CNBD1: variants seen among roughly 807,000 people sequenced by gnomAD.
CNBD1 encodes the protein cyclic nucleotide-binding domain-containing protein 1.
CNBD1 carries 71 observed loss-of-function variants against 54.4 expected under a neutral mutation model. The observed-to-expected ratio is 1.30, with a 90% CI of 1.08 to 1.59. The LOEUF is 1.59. Among genes scored for constraint, CNBD1 ranks in the 40% most tolerant of loss-of-function variants. The pLI, the probability that CNBD1 is intolerant of heterozygous loss-of-function variation, is 0.00. For missense variants in CNBD1, 659 were observed against 518.0 expected (o/e 1.27, Z -2.64); for synonymous variants, 182 against 170.7 (o/e 1.07, Z -0.51).
chr8:87,287,179 A>T (rs1383705338), intron 8 of CNBD1, among the ~76,000 whole-genome samples: 1 of 152,192 alleles, frequency 6.6e-6, no homozygotes, highest in Non-Finnish European at 1.5e-5. Flanking sequence ...CTACATTTTC[A>T]ATATTCAGCA....
intron 4 of CNBD1, among the ~76,000 whole-genome samples, chr8:87,097,314 A>G (rs965633189): frequency 1.3e-5 from 2 of 152,170 alleles, no homozygotes; most frequent in African/African-American, 4.8e-5. Flanking sequence ...ATTTTCTACA[A>G]TTTACAAAAG....
chr8:86,883,744 A>G (rs1171757434), intron 1 of CNBD1, among the ~76,000 whole-genome samples: 2 of 152,202 alleles, frequency 1.3e-5, no homozygotes, highest in African/African-American at 4.8e-5. Flanking sequence ...AAGATTAATT[A>G]TAGTAGATGG....
At chr8:87,232,936 C>CAT (rs1240041472) in intron 5 of CNBD1, among the ~76,000 whole-genome samples, 3 of 152,008 alleles carry the variant, frequency 2.0e-5, no homozygotes, top group African/African-American at 7.2e-5. Context: ...TTATTGTTAA[C>CAT]TAATTTAATT....
intron 8 of CNBD1, among the ~76,000 whole-genome samples, chr8:87,300,217 TTAA>T (rs1451167715): frequency 3.9e-5 from 6 of 152,206 alleles, no homozygotes; most frequent in Non-Finnish European, 5.9e-5. Flanking sequence ...ATTGATTTTA[TTAA>T]TGTTATTCTC....
chr8:86,868,944 C>T (rs1014669096), intron 1 of CNBD1, among the ~76,000 whole-genome samples: 1 of 73,992 alleles, frequency 1.4e-5, no homozygotes, highest in Non-Finnish European at 2.7e-5. Flanking sequence ...AAGAGGAAGG[C>T]GAGAGAGTCA....
At chr8:87,427,995 A>T (rs992561061) in intron 2 of CNBD1, among the ~76,000 whole-genome samples, 1 of 152,014 alleles carries the variant, frequency 6.6e-6, no homozygotes, top group African/African-American at 2.4e-5. Flanking sequence ...GGGTAGCCTG[A>T]TATACTCTCT....
At chr8:87,087,565 G>A (rs1249859228) in intron 4 of CNBD1, among the ~76,000 whole-genome samples, 2 of 148,974 alleles carry the variant, frequency 1.3e-5, no homozygotes, top group African/African-American at 2.5e-5. Context: ...CCGGGTTCAC[G>A]CCATTCTCCT....
At chr8:86,988,616 A>C (rs1463301865) in intron 4 of CNBD1, among the ~76,000 whole-genome samples, 1 of 152,134 alleles carries the variant, frequency 6.6e-6, no homozygotes, top group East Asian at 1.9e-4. Flanking sequence ...GCTATGAAAG[A>C]CTAGATTTTA....
At chr8:87,202,810 G>C (rs1319248717) in intron 4 of CNBD1, among the ~76,000 whole-genome samples, 1 of 152,184 alleles carries the variant, frequency 6.6e-6, no homozygotes, top group Non-Finnish European at 1.5e-5. Flanking sequence ...TAGGAATGCA[G>C]ATGAGCATGA....
chr8:87,266,623 T>A (rs1808264891), intron 6 of CNBD1, among the ~76,000 whole-genome samples: 1 of 151,522 alleles, frequency 6.6e-6, no homozygotes, highest in Admixed American at 6.6e-5. Context: ...GCTAATTTTG[T>A]ATTTTTAGTA....
chr8:87,168,613 C>T (rs184354732), intron 4 of CNBD1, among the ~76,000 whole-genome samples: 1 of 151,894 alleles, frequency 6.6e-6, no homozygotes, highest in Non-Finnish European at 1.5e-5. Flanking sequence ...GGTAACCATC[C>T]TTCTATTCTC....
intron 4 of CNBD1, among the ~76,000 whole-genome samples, chr8:87,198,950 C>A (rs1300312044): frequency 6.6e-6 from 1 of 152,188 alleles, no homozygotes; most frequent in Non-Finnish European, 1.5e-5. Context: ...AGGTTACAAT[C>A]ATCTTGCAAG....
chr8:87,380,926 G>T (rs1290976588), intron 10 of CNBD1, among the ~76,000 whole-genome samples: 1 of 151,960 alleles, frequency 6.6e-6, no homozygotes, highest in Admixed American at 6.6e-5. Context: ...TGCAAGAATT[G>T]TAACTGTTAA....
intron 5 of CNBD1, among the ~76,000 whole-genome samples, chr8:87,229,244 C>T (rs1814606011): frequency 6.6e-6 from 1 of 152,288 alleles, no homozygotes; most frequent in African/African-American, 2.4e-5. Flanking sequence ...TAGACCGCAG[C>T]TGTTCCTATT....
chr8:87,423,739 T>C (rs1015006845), intron 2 of CNBD1, among the ~76,000 whole-genome samples: 1 of 151,610 alleles, frequency 6.6e-6, no homozygotes, highest in Non-Finnish European at 1.5e-5. Context: ...AAAATTCTCT[T>C]TTTTGGTTGT....
intron 4 of CNBD1, among the ~76,000 whole-genome samples, chr8:87,190,877 A>G (rs376274928): frequency 0.048 from 2,663 of 55,378 alleles, 148 homozygotes; most frequent in African/African-American, 0.16. Flanking sequence ...ATAGATATAG[A>G]TACATGTACG....
At chr8:87,236,197 T>C (rs1247758971) in intron 5 of CNBD1, among the ~76,000 whole-genome samples, 1 of 152,118 alleles carries the variant, frequency 6.6e-6, no homozygotes, top group African/African-American at 2.4e-5. Context: ...AAATAAGAAA[T>C]GGAGAAAGAC....
intron 4 of CNBD1, among the ~76,000 whole-genome samples, chr8:87,156,574 A>G (rs1328792245): frequency 6.6e-6 from 1 of 152,006 alleles, no homozygotes. Flanking sequence ...ACTTGATAAA[A>G]TACACTTGTA....
chr8:87,206,811 G>A (rs564477086), intron 5 of CNBD1, among the ~76,000 whole-genome samples: 10 of 152,218 alleles, frequency 6.6e-5, no homozygotes, highest in African/African-American at 2.4e-4. Flanking sequence ...AATGAAGGAA[G>A]ATATTGCTAT....
Sources: gnomAD v4.1 joint callset for allele counts (sites outside exome capture counted in the v4.1 genomes callset) on GRCh38, gnomAD v4.1.1 for gene constraint, MANE v1.5 for transcripts, NCBI Gene and HGNC (gene_info 2026-07-23, HGNC 2026-07-21) for gene names.